The following MS4A8 variants were observed in gnomAD, a reference collection of about 807,000 sequenced individuals.
MS4A8 encodes the protein membrane spanning 4-domains A8, also known as membrane-spanning 4-domains subfamily A member 8.
Under a neutral mutation model 23.7 loss-of-function variants are expected in MS4A8, and 27 were observed. The observed-to-expected ratio is 1.14, with a 90% CI of 0.84 to 1.57. The LOEUF is 1.57. Among genes scored for constraint, MS4A8 ranks in the 40% most tolerant of loss-of-function variants. MS4A8 has a pLI of 0.00. For missense variants in MS4A8, 301 were observed against 311.4 expected, an observed-to-expected ratio of 0.97 and a Z score of 0.25; for synonymous variants, 138 against 126.3, an observed-to-expected ratio of 1.09 and a Z score of -0.62.
chr11:60,705,301 A>C (rs2088246197), intron 3 of MS4A8, among the ~76,000 whole-genome samples: 1 of 152,196 alleles, frequency 6.6e-6, no homozygotes, highest in Non-Finnish European at 1.5e-5. Flanking sequence ...TTGAGCACAC[A>C]ATGCCTACCA....
In MS4A8 at chr11:60,708,695, G is replaced by A; in HGVS notation, c.448G>A (p.Ala150Thr). The A allele has an allele frequency of 1.2e-6, 2 of 1,600,300 alleles. No individual in the cohort carries two copies. Among genetic ancestry groups the A allele is most frequent in the Non-Finnish European group, 1.7e-6 (2 of 1,174,314 alleles). The change falls in exon 5 of 7, where the codon GCA (alanine) becomes ACA (threonine). Residue 150 changes from alanine (A) to threonine (T), a missense_variant. By Grantham distance (58) the Ala-to-Thr change is moderately conservative. Transcript: ENST00000300226. ...GAACATCGTCAGTGCAATCTGCTCT[G>A]CAGTTGGAGTCATACTCTTCATCAC... ...GLNIVSAICS[A>T]VGVILFITDL...
Position 60,701,087 on chromosome 11 carries a change from A to G in MS4A8, c.219+8A>G. The stretch of plus-strand genomic sequence containing the variant: ...GAAGGCAAAACCTTGGGGGTAAGTG[A>G]GATTTCCCTTTGCAGGCCACAGACT... On this transcript the variant is annotated splice_region_variant and intron_variant, in intron 2 of 6. Transcript: ENST00000300226. 1 of 1,613,170 alleles carries G rather than the reference A, an allele frequency of 6.2e-7. No homozygotes were observed. Among genetic ancestry groups the G allele is most frequent in the Non-Finnish European group, 8.5e-7 (1 of 1,179,298 alleles).
intron 4 of MS4A8, among the ~76,000 whole-genome samples, chr11:60,707,815 T>A (rs2088269469): frequency 1.4e-5 from 1 of 72,036 alleles, no homozygotes; most frequent in Non-Finnish European, 2.8e-5. Flanking sequence ...TCTTTTTCTT[T>A]TTTTTTTTTT....
intron 1 of MS4A8, among the ~76,000 whole-genome samples, chr11:60,700,609 C>T (rs1273796560): frequency 1.3e-5 from 2 of 152,168 alleles, no homozygotes; most frequent in African/African-American, 2.4e-5. Flanking sequence ...ACCCCTTGCC[C>T]TCTGGTAGCC....
chr11:60,714,888 T>G (rs1011342826), intron 5 of MS4A8, 133 bp from the exon 6 acceptor site: 5 of 658,450 alleles, frequency 7.6e-6, no homozygotes, highest in South Asian at 1.7e-5. Context: ...GGTGGGAAAT[T>G]TCCCCCCACG....
intron 3 of MS4A8, among the ~76,000 whole-genome samples, chr11:60,704,052 C>T (rs1440325434): frequency 6.6e-6 from 1 of 151,870 alleles, no homozygotes; most frequent in Non-Finnish European, 1.5e-5. Context: ...ACAATTCAGC[C>T]CATAATATCA....
intron 2 of MS4A8, chr11:60,701,355 C>G (rs2088203006): frequency 1.8e-6 from 1 of 558,588 alleles, no homozygotes; most frequent in Non-Finnish European, 3.4e-6. Context: ...TGCCAGGATC[C>G]ACGCCCAGCC....
Position 60,715,527 on chromosome 11 carries a change from C to A in MS4A8, c.*113C>A. The A allele has an allele frequency of 1.4e-6, 1 of 736,292 alleles. No individual in the cohort carries two copies. Among genetic ancestry groups the A allele is most frequent in the Non-Finnish European group, 2.3e-6 (1 of 434,528 alleles). 45.6% of individuals were successfully genotyped at this position (736,292 alleles called of 1,614,324 possible). On this transcript the variant is annotated 3_prime_UTR_variant, in exon 7 of 7. Transcript: ENST00000300226. ...CTGACAGCTGAGGAAACGTCTCTCC[C>A]ACTGTTTGTACTCTCACCTTCATTC...
intron 5 of MS4A8, chr11:60,708,990 T>C (rs544118300): frequency 4.2e-5 from 22 of 524,916 alleles, no homozygotes; most frequent in African/African-American, 4.1e-4. Flanking sequence ...TGTAGAACAA[T>C]ACCTACCTTG....
intron 5 of MS4A8, among the ~76,000 whole-genome samples, chr11:60,713,276 A>G (rs565535867): frequency 1.3e-5 from 2 of 152,334 alleles, no homozygotes; most frequent in African/African-American, 4.8e-5. Flanking sequence ...GAGATAAAGT[A>G]CAGAGAAAGA....
chr11:60,703,608 C>G (rs532041495), intron 3 of MS4A8, 108 bp downstream of exon 3: 294 of 1,336,604 alleles, frequency 2.2e-4, no homozygotes, highest in Non-Finnish European at 2.9e-4. Flanking sequence ...TCCCAGCCAC[C>G]CAAATGTGGG....
rs76091489 is a variant in MS4A8, at chr11:60,706,982, T to C, written c.343-6T>C. On this transcript the variant is annotated splice_region_variant and splice_polypyrimidine_tract_variant and intron_variant, in intron 3 of 6. Transcript: ENST00000300226. ...CTCTTTCTAAACCCACTCTGTTCTGTACCAGTTTATCATTTCAGGATCTCT... is the reference window on the plus strand; with the variant it reads ...CTCTTTCTAAACCCACTCTGTTCTGCACCAGTTTATCATTTCAGGATCTCT... The C allele has an allele frequency of 7.5e-3, 12,066 of 1,613,950 alleles. 710 individuals are homozygous for C. In the African/African-American group the frequency reaches 0.14, roughly 18 times the overall value.
chr11:60,706,519 C>A (rs2088257109), intron 3 of MS4A8, among the ~76,000 whole-genome samples: 1 of 152,144 alleles, frequency 6.6e-6, no homozygotes, highest in Non-Finnish European at 1.5e-5. Flanking sequence ...CCTCCAGAGC[C>A]CCCAAACCTA....
chr11:60,702,085 A>G (rs2088209882), intron 2 of MS4A8, among the ~76,000 whole-genome samples: 1 of 152,182 alleles, frequency 6.6e-6, no homozygotes, highest in Non-Finnish European at 1.5e-5. Context: ...ACATACACAG[A>G]TGTTCTTTCA....
intron 5 of MS4A8, chr11:60,712,372 C>T (rs2134662171): frequency 1.0e-5 from 10 of 985,320 alleles, no homozygotes; most frequent in Non-Finnish European, 1.2e-5. Flanking sequence ...TTCTACCAAG[C>T]AGATGTTTAA....
chr11:60,715,505 A>T lies in MS4A8; in HGVS notation c.*91A>T. 1 of 926,264 alleles carries T rather than the reference A, an allele frequency of 1.1e-6. No homozygotes were observed. Among genetic ancestry groups the T allele is most frequent in the Non-Finnish European group, 1.7e-6 (1 of 592,184 alleles). The allele number at this position is 926,264 out of a possible 1,614,324, so 57.4% of individuals were successfully genotyped here. On this transcript the variant is annotated 3_prime_UTR_variant, in exon 7 of 7. Coordinates refer to ENST00000300226, the MANE Select transcript of MS4A8 (RefSeq NM_031457.2). ...CATAACCCAGGTCGTTCCTGTTCTG[A>T]CAGCTGAGGAAACGTCTCTCCCACT...
Position 60,715,678 on chromosome 11 carries a change from T to C in MS4A8, c.*264T>C. On this transcript the variant is annotated 3_prime_UTR_variant, in exon 7 of 7. Coordinates refer to ENST00000300226, the MANE Select transcript of MS4A8 (RefSeq NM_031457.2). Reference sequence around the variant, plus strand: ...AGCACATATGTGGGCATCCAGCCTCTGGGGCCTTGGCACACACACATTCGT... The same window carrying C: ...AGCACATATGTGGGCATCCAGCCTCCGGGGCCTTGGCACACACACATTCGT... 1 of 457,082 alleles carries C rather than the reference T, an allele frequency of 2.2e-6. No homozygotes were observed. Among genetic ancestry groups the C allele is most frequent in the Non-Finnish European group, 4.0e-6 (1 of 251,998 alleles). The allele number at this position is 457,082 out of a possible 1,614,324, so 28.3% of individuals were successfully genotyped here.
In MS4A8 at chr11:60,715,543, A is replaced by C; in HGVS notation, c.*129A>C. On this transcript the variant is annotated 3_prime_UTR_variant, in exon 7 of 7. Transcript: ENST00000300226. ...CGTCTCTCCCACTGTTTGTACTCTC[A>C]CCTTCATTCTTCAATTCAGTCTAGG... The C allele has an allele frequency of 7.6e-6, 5 of 655,354 alleles. No individual in the cohort carries two copies. Among genetic ancestry groups the C allele is most frequent in the Non-Finnish European group, 1.3e-5 (5 of 377,460 alleles). 40.6% of individuals were successfully genotyped at this position (655,354 alleles called of 1,614,324 possible). A position where few individuals can be genotyped will look rare whatever the true frequency, so the allele number is the denominator to read the frequency against.
chr11:60,709,007 T>C (rs575998480), intron 5 of MS4A8: 1 of 480,540 alleles, frequency 2.1e-6, no homozygotes, highest in African/African-American at 2.0e-5. Context: ...CTTGTGGCAA[T>C]GTTGAGAGAA....
Sources: allele counts gnomAD v4.1 joint callset (sites outside exome capture counted in the v4.1 genomes callset), GRCh38; gene constraint gnomAD v4.1.1; transcripts MANE v1.5; gene names NCBI Gene and HGNC (gene_info 2026-07-23, HGNC 2026-07-21).